EVI5: variants seen among roughly 807,000 people sequenced by gnomAD.
The protein encoded by EVI5 is ecotropic viral integration site 5 protein homolog.
EVI5 carries 73 observed loss-of-function variants against 112.0 expected under a neutral mutation model. The observed-to-expected ratio is 0.65, with a 90% CI of 0.54 to 0.79. EVI5 has a LOEUF of 0.79. Among genes scored for constraint, EVI5 ranks in the 30% least tolerant of loss-of-function variants. The pLI, the probability that EVI5 is intolerant of heterozygous loss-of-function variation, is 0.00. For synonymous variants in EVI5, 305 were observed against 319.9 expected, an observed-to-expected ratio of 0.95 and a Z score of 0.50; for missense variants, 900 against 968.8, an observed-to-expected ratio of 0.93 and a Z score of 0.94.
At chr1:92,659,950 T>G (rs1663684035) in intron 13 of EVI5, among the ~76,000 whole-genome samples, 1 of 151,958 alleles carries the variant, frequency 6.6e-6, no homozygotes, top group African/African-American at 2.4e-5. Flanking sequence ...TGGATAAAAC[T>G]AGAGGATATT....
intron 13 of EVI5, chr1:92,647,341 T>C (rs1661168382): frequency 4.1e-6 from 1 of 246,122 alleles, no homozygotes; most frequent in African/African-American, 2.3e-5. Flanking sequence ...TTCTGAACGG[T>C]GCAGGAAGAA....
At chr1:92,530,405 A>G (rs1424305537) in intron 19 of EVI5, among the ~76,000 whole-genome samples, 1 of 152,142 alleles carries the variant, frequency 6.6e-6, no homozygotes, top group African/African-American at 2.4e-5. Context: ...TGAAGAGAGC[A>G]GCGGATCTCC....
intron 4 of EVI5, among the ~76,000 whole-genome samples, chr1:92,703,027 G>A (rs1671442148): frequency 6.6e-6 from 1 of 152,078 alleles, no homozygotes; most frequent in African/African-American, 2.4e-5. Context: ...AACAGTGCTG[G>A]CCATAGAAAG....
intron 4 of EVI5, among the ~76,000 whole-genome samples, chr1:92,702,441 C>CATAAA (rs57227203): frequency 0.51 from 70,987 of 139,974 alleles, 18,455 homozygotes; most frequent in East Asian, 0.61. Context: ...GCTCTAAAGA[C>CATAAA]ATAAAATAAA....
chr1:92,525,347 C>T (rs1661702245), intron 19 of EVI5, among the ~76,000 whole-genome samples: 1 of 145,558 alleles, frequency 6.9e-6, no homozygotes, highest in South Asian at 2.2e-4. Flanking sequence ...TTGGCTGACT[C>T]CAACCTCTGC....
intron 1 of EVI5, among the ~76,000 whole-genome samples, chr1:92,742,841 T>C (rs750588487): frequency 6.6e-6 from 1 of 152,154 alleles, no homozygotes; most frequent in Non-Finnish European, 1.5e-5. Context: ...AGTATGGCAG[T>C]TCCTCAAAAA....
At chr1:92,734,635 G>A (rs1430172445) in intron 2 of EVI5, among the ~76,000 whole-genome samples, 7 of 151,968 alleles carry the variant, frequency 4.6e-5, no homozygotes, top group East Asian at 3.9e-4. Context: ...AGTGGCTTTA[G>A]ATTTACTTAA....
intron 2 of EVI5, among the ~76,000 whole-genome samples, chr1:92,734,290 G>A (rs1314248012): frequency 2.0e-5 from 3 of 152,162 alleles, no homozygotes; most frequent in Non-Finnish European, 4.4e-5. Context: ...GTATGAATGT[G>A]TTACAAATGA....
intron 1 of EVI5, among the ~76,000 whole-genome samples, chr1:92,766,110 AT>A (rs1407531670): frequency 1.4e-5 from 2 of 145,804 alleles, no homozygotes; most frequent in Admixed American, 6.9e-5. Context: ...AATAATAATA[AT>A]AATAATAATA....
intron 1 of EVI5, among the ~76,000 whole-genome samples, chr1:92,764,810 T>G (rs746442415): frequency 1.3e-5 from 2 of 152,202 alleles, no homozygotes; most frequent in African/African-American, 2.4e-5. Flanking sequence ...CTTAAAACTA[T>G]AAATAACAAA....
chr1:92,673,767 T>A (rs138702850), intron 10 of EVI5, among the ~76,000 whole-genome samples: 2 of 152,218 alleles, frequency 1.3e-5, no homozygotes, highest in Admixed American at 1.3e-4. Context: ...TATGAAGACA[T>A]TATTATCAAA....
exon 1 of EVI5, chr1:92,792,397 T>C (rs374648843): frequency 2.5e-6 from 4 of 1,608,810 alleles, no homozygotes; most frequent in Non-Finnish European, 3.4e-6. Context: ...GTAACCATGA[T>C]AAGCAGAGAA....
At chr1:92,743,667 T>C (rs1176719128) in intron 1 of EVI5, among the ~76,000 whole-genome samples, 1 of 152,210 alleles carries the variant, frequency 6.6e-6, no homozygotes, top group Non-Finnish European at 1.5e-5. Flanking sequence ...AATTTTGTTA[T>C]GAATACTTTA....
intron 19 of EVI5, among the ~76,000 whole-genome samples, chr1:92,553,593 G>A (rs1667289735): frequency 6.6e-6 from 1 of 152,026 alleles, no homozygotes; most frequent in Non-Finnish European, 1.5e-5. Context: ...GAGCCACCGT[G>A]CCCAGCCAAT....
At chr1:92,719,123 G>A (rs970301266) in intron 2 of EVI5, among the ~76,000 whole-genome samples, 1 of 150,622 alleles carries the variant, frequency 6.6e-6, no homozygotes, top group African/African-American at 2.5e-5. Flanking sequence ...GGTACAAAGA[G>A]GAGATGGTAC....
intron 19 of EVI5, among the ~76,000 whole-genome samples, chr1:92,527,997 A>G (rs1662215249): frequency 6.6e-6 from 1 of 152,204 alleles, no homozygotes; most frequent in South Asian, 2.1e-4. Context: ...CGTAATAAAG[A>G]AGATTTAGTA....
At chr1:92,749,197 G>C (rs995191601) in intron 1 of EVI5, 1 of 308,698 alleles carries the variant, frequency 3.2e-6, no homozygotes, top group Admixed American at 4.4e-5. Context: ...TCCTCCAGTA[G>C]AGGGCACACT....
chr1:92,713,745 C>T (rs949667172), intron 2 of EVI5, among the ~76,000 whole-genome samples: 1 of 152,166 alleles, frequency 6.6e-6, no homozygotes, highest in Non-Finnish European at 1.5e-5. Flanking sequence ...CCACTGCACT[C>T]CAGCCTGGCC....
intron 14 of EVI5, among the ~76,000 whole-genome samples, chr1:92,631,081 A>G (rs1317080992): frequency 1.3e-5 from 2 of 152,150 alleles, no homozygotes; most frequent in African/African-American, 4.8e-5. Flanking sequence ...TGGTTACTGT[A>G]GCCTTGTAGT....
Sources: allele counts gnomAD v4.1 joint callset (sites outside exome capture counted in the v4.1 genomes callset), GRCh38; gene constraint gnomAD v4.1.1; transcripts MANE v1.5; gene names NCBI Gene and HGNC (gene_info 2026-07-23, HGNC 2026-07-21).